MARCHF1: variants seen among roughly 807,000 people sequenced by gnomAD.
The protein encoded by MARCHF1 is E3 ubiquitin-protein ligase MARCHF1.
In MARCHF1, 40 loss-of-function variants were observed where a neutral mutation model predicts 54.2. The ratio of observed to expected loss-of-function variants is 0.74; its 90% CI spans 0.57 to 0.96. The LOEUF (loss-of-function observed/expected upper bound fraction) is 0.96. Among genes scored for constraint, MARCHF1 ranks in the 40% least tolerant of loss-of-function variants. MARCHF1 has a pLI of 0.00. For missense variants in MARCHF1, 586 were observed against 656.5 expected, an observed-to-expected ratio of 0.89 and a Z score of 1.17; for synonymous variants, 236 against 236.3, an observed-to-expected ratio of 1.00 and a Z score of 0.01.
intron 4 of MARCHF1, among the ~76,000 whole-genome samples, chr4:163,848,465 T>C (rs1749549039): frequency 6.6e-6 from 1 of 152,230 alleles, no homozygotes; most frequent in African/African-American, 2.4e-5. Context: ...TTTTTTAATC[T>C]TCTTGTTTTG....
At chr4:163,751,496 A>G (rs1373489950) in intron 4 of MARCHF1, among the ~76,000 whole-genome samples, 1 of 152,134 alleles carries the variant, frequency 6.6e-6, no homozygotes, top group Non-Finnish European at 1.5e-5. Flanking sequence ...ATTATGTAGG[A>G]AAATTAATAT....
At chr4:163,585,533 A>G (rs1372368508) in intron 8 of MARCHF1, 2 of 374,826 alleles carry the variant, frequency 5.3e-6, no homozygotes, top group Non-Finnish European at 9.5e-6. Context: ...TGAAAGTAAT[A>G]TATCAATCAG....
intron 3 of MARCHF1, among the ~76,000 whole-genome samples, chr4:163,952,353 A>G (rs930101697): frequency 5.9e-5 from 9 of 152,112 alleles, no homozygotes; most frequent in African/African-American, 1.9e-4. Context: ...TATAAAATTT[A>G]CTCTACACGC....
rs546719850 is a variant in MARCHF1 at position 163,836,703 on chromosome 4, A to C, written c.111+17318T>G. Among the ~76,000 whole-genome samples the C allele has an allele frequency of 1.2e-3, 185 of 149,792 alleles. 1 individual carries two copies. The highest frequency in any genetic ancestry group is 4.5e-3 in the African/African-American group (182 of 40,644). The stretch of plus-strand genomic sequence containing the variant: ...CCATCTGGCCAAAGCTGAGTAATAG[A>C]AGCTGTAGTCATCAGCAGAGGTAAG... On this transcript the variant is annotated intron_variant, in intron 4 of 9. Coordinates refer to ENST00000514618, the MANE Select transcript of MARCHF1 (RefSeq NM_001394959.1).
rs1162452994 is a variant in MARCHF1, at chr4:164,203,291, G to T, written c.-322-91629C>A. Among the ~76,000 whole-genome samples the T allele has an allele frequency of 3.3e-5, 5 of 151,958 alleles. No individual in the cohort carries two copies. In the South Asian group the frequency reaches 8.3e-4, roughly 25 times the overall value. ...GAAAGAAGGAAAGAGAGGGATAGGG[G>T]TGTGTGGCTGTGTAGGAGAAAGAGA... is the stretch of plus-strand genomic sequence containing the variant. On this transcript the variant is annotated intron_variant, in intron 1 of 9. Transcript: ENST00000514618.
chr4:163,784,603 G>A (rs1180139579), intron 4 of MARCHF1, among the ~76,000 whole-genome samples: 1 of 152,010 alleles, frequency 6.6e-6, no homozygotes, highest in Admixed American at 6.6e-5. Flanking sequence ...TTCTACCTAT[G>A]CCATTGATTC....
At chr4:164,008,050 T>TA (rs960048560) in intron 2 of MARCHF1, among the ~76,000 whole-genome samples, 2 of 152,068 alleles carry the variant, frequency 1.3e-5, no homozygotes, top group Admixed American at 1.3e-4. Flanking sequence ...TGAACGAATT[T>TA]AAAAAACCAG....
intron 1 of MARCHF1, among the ~76,000 whole-genome samples, chr4:164,282,352 A>G (rs1357545815): frequency 3.3e-5 from 5 of 150,732 alleles, no homozygotes; most frequent in African/African-American, 1.2e-4. Flanking sequence ...AACTTTATCA[A>G]CCTACACTTG....
At chr4:163,533,680 A>ATAT (rs57042046) in intron 9 of MARCHF1, among the ~76,000 whole-genome samples, 28 of 144,130 alleles carry the variant, frequency 1.9e-4, no homozygotes, top group East Asian at 1.2e-3. Context: ...TTTTATATAT[A>ATAT]ATATATATAT....
intron 3 of MARCHF1, among the ~76,000 whole-genome samples, chr4:163,884,820 C>A (rs577524990): frequency 2.7e-4 from 41 of 152,154 alleles, no homozygotes; most frequent in African/African-American, 8.7e-4. Flanking sequence ...TAATTGAAAC[C>A]AGTACTTTAA....
At chr4:163,959,294 T>C (rs934197228) in intron 3 of MARCHF1, among the ~76,000 whole-genome samples, 4 of 148,440 alleles carry the variant, frequency 2.7e-5, no homozygotes, top group South Asian at 2.1e-4. Flanking sequence ...AGAGCCCAAA[T>C]AGCCAAAGCA....
chr4:164,360,691 T>C (rs1307837271), intron 1 of MARCHF1, among the ~76,000 whole-genome samples: 1 of 152,104 alleles, frequency 6.6e-6, no homozygotes, highest in African/African-American at 2.4e-5. Context: ...TGGATATGCT[T>C]GGAGAAACAC....
At chr4:164,158,711 C>T (rs1326850521) in intron 1 of MARCHF1, among the ~76,000 whole-genome samples, 3 of 152,094 alleles carry the variant, frequency 2.0e-5, no homozygotes, top group Non-Finnish European at 4.4e-5. Flanking sequence ...TCTCATTTAA[C>T]TGTTCCACAT....
intron 1 of MARCHF1, among the ~76,000 whole-genome samples, chr4:164,237,917 A>G (rs1732612093): frequency 6.6e-6 from 1 of 152,046 alleles, no homozygotes; most frequent in African/African-American, 2.4e-5. Flanking sequence ...AATATCAAAG[A>G]ACAACTGATC....
intron 3 of MARCHF1, among the ~76,000 whole-genome samples, chr4:163,876,305 T>C (rs905886498): frequency 3.9e-5 from 6 of 152,148 alleles, no homozygotes; most frequent in African/African-American, 1.2e-4. Flanking sequence ...TTCCATTTAT[T>C]CTTTAGACCT....
intron 1 of MARCHF1, chr4:164,197,143 T>G (rs1324396445): frequency 1.2e-6 from 2 of 1,606,140 alleles, no homozygotes; most frequent in African/African-American, 2.7e-5. Flanking sequence ...TTCCTCCTCC[T>G]CCTCCTCGCC....
At chr4:164,249,601 G>T (rs1733064720) in intron 1 of MARCHF1, among the ~76,000 whole-genome samples, 1 of 151,780 alleles carries the variant, frequency 6.6e-6, no homozygotes, top group Admixed American at 6.6e-5. Context: ...TTTATTAGTA[G>T]AGGAAGAACA....
At chr4:164,113,639 A>G (rs1246924627) in intron 1 of MARCHF1, among the ~76,000 whole-genome samples, 2 of 152,000 alleles carry the variant, frequency 1.3e-5, no homozygotes, top group Non-Finnish European at 2.9e-5. Flanking sequence ...CGTGAGAAAA[A>G]TCTAATAAAT....
chr4:163,802,130 A>AG (rs1748099200), intron 4 of MARCHF1, among the ~76,000 whole-genome samples: 1 of 105,854 alleles, frequency 9.4e-6, no homozygotes, highest in East Asian at 7.3e-4. Flanking sequence ...AGTTTCTCTA[A>AG]ATTTTCCTCT....
Sources: gnomAD v4.1 joint callset for allele counts (sites outside exome capture counted in the v4.1 genomes callset) on GRCh38, gnomAD v4.1.1 for gene constraint, MANE v1.5 for transcripts, NCBI Gene and HGNC (gene_info 2026-07-23, HGNC 2026-07-21) for gene names.